Variants in MOBP observed in about 807,000 individuals in gnomAD.
The protein encoded by MOBP is myelin-associated oligodendrocyte basic protein.
Under a neutral mutation model 15.0 loss-of-function variants are expected in MOBP, and 5 were observed. That is an observed-to-expected ratio of 0.33 (90% CI 0.17 to 0.70). The LOEUF is 0.70. MOBP is among the 30% of genes least tolerant of loss of function. The pLI is 0.67. For synonymous variants in MOBP, 88 were observed against 99.0 expected, an observed-to-expected ratio of 0.89 and a Z score of 0.66; for missense variants, 188 against 257.8, an observed-to-expected ratio of 0.73 and a Z score of 1.85.
At chr3:39,517,305 A>G (rs777225421), downstream of MOBP, among the ~76,000 whole-genome samples, 3 of 152,162 alleles carry the variant, frequency 2.0e-5, no homozygotes, top group South Asian at 2.1e-4. Flanking sequence ...ATGGGAAATG[A>G]GAGAGGTTGT....
Position 39,502,569 on chromosome 3 carries a change from A to C in MOBP, c.241A>C (p.Lys81Gln), listed in dbSNP as rs1462277029. ...SRRAKSPQRPKQQPAAPPAVV... is the reference protein window; with the variant it reads ...SRRAKSPQRPQQQPAAPPAVV... The stretch of plus-strand genomic sequence containing the variant: ...CCGTGCCAAGTCCCCTCAGAGGCCC[A>C]AGCAACAGCCAGCTGCGCCCCCCGC... The change falls in exon 4 of 4, where the codon AAG (lysine) becomes CAG (glutamine). Residue 81 changes from lysine to glutamine, a missense_variant. Transcript: ENST00000684792. The surrounding 1 kb of genome is among the most constrained non-coding windows in gnomAD (Gnocchi z 6.3). 6.3e-7 allele frequency: 1 copy of C among 1,580,614 alleles called. No individual in the cohort carries two copies. Among genetic ancestry groups the C allele is most frequent in the Non-Finnish European group, 8.5e-7 (1 of 1,172,398 alleles).
chr3:39,490,999 C>T (rs983683702), intron 2 of MOBP, among the ~76,000 whole-genome samples: 1 of 152,124 alleles, frequency 6.6e-6, no homozygotes, highest in African/African-American at 2.4e-5. Flanking sequence ...CTTATTTGCT[C>T]AAGTCTTTTC....
intron 2 of MOBP, among the ~76,000 whole-genome samples, chr3:39,489,682 T>G (rs1194010622): frequency 7.5e-6 from 1 of 133,188 alleles, no homozygotes; most frequent in Non-Finnish European, 1.5e-5. Context: ...GCTGGGTGTA[T>G]TGTTCCCCGC....
downstream of MOBP, chr3:39,529,497 A>G (rs189338394): frequency 1.3e-5 from 2 of 152,376 alleles, no homozygotes; most frequent in East Asian, 1.9e-4. Context: ...TTTAACACCA[A>G]TTGGTGCCCA....
intron 1 of MOBP, among the ~76,000 whole-genome samples, chr3:39,470,207 A>T (rs9821753): frequency 0.047 from 7,152 of 152,226 alleles, 461 homozygotes; most frequent in South Asian, 0.15. Flanking sequence ...TCCTGATCAA[A>T]AGTGTTTCCT....
In MOBP at chr3:39,496,812, C is replaced by T. The variant is rs576638343; in HGVS notation, c.-4-5254C>T. Among the ~76,000 whole-genome samples the T allele has an allele frequency of 4.6e-5, 7 of 152,234 alleles. No homozygotes were observed. In the East Asian group the frequency reaches 5.8e-4, roughly 13 times the overall value. ...TCAAGTAGTTGGGATTACAGGAATG[C>T]ACCACCATGCCCAACTAATTTTGTA... On this transcript the variant is annotated intron_variant, in intron 2 of 3. Transcript: ENST00000684792.
At chr3:39,522,291 A>G (rs554348882) in intron 3 of MOBP, among the ~76,000 whole-genome samples, 62 of 152,356 alleles carry the variant, frequency 4.1e-4, no homozygotes, top group African/African-American at 1.4e-3. Context: ...AAAACAAAAA[A>G]AGTTGCTTAT....
intron 2 of MOBP, among the ~76,000 whole-genome samples, chr3:39,485,763 T>C (rs2042696800): frequency 6.6e-6 from 1 of 152,172 alleles, no homozygotes; most frequent in African/African-American, 2.4e-5. Flanking sequence ...ATTGGCTGCT[T>C]TCCCCCTACC....
chr3:39,487,379 T>C (rs1472376354), intron 2 of MOBP, among the ~76,000 whole-genome samples: 1 of 152,216 alleles, frequency 6.6e-6, no homozygotes, highest in Admixed American at 6.5e-5. Context: ...GTTAATATGG[T>C]TGTGTTTCTA....
chr3:39,513,445 T>G (rs1159365209), exon 5 of MOBP: 6 of 1,612,708 alleles, frequency 3.7e-6, no homozygotes, highest in Non-Finnish European at 5.1e-6. Flanking sequence ...TTAAACTGAA[T>G]GAACAACCTC....
intron 2 of MOBP, among the ~76,000 whole-genome samples, chr3:39,485,226 GGACA>G (rs2042683934): frequency 6.6e-6 from 1 of 152,186 alleles, no homozygotes; most frequent in Non-Finnish European, 1.5e-5. Context: ...GGATAAACAA[GGACA>G]GACAGATAAT....
downstream of MOBP, among the ~76,000 whole-genome samples, chr3:39,506,463 A>C (rs2043049012): frequency 6.6e-6 from 1 of 150,490 alleles, no homozygotes; most frequent in African/African-American, 2.5e-5. Flanking sequence ...GAAGGGAAAG[A>C]GCCAATTAAA....
intron 2 of MOBP, among the ~76,000 whole-genome samples, chr3:39,494,796 C>CCCCCCCCCCCA: frequency 8.5e-6 from 1 of 117,392 alleles, no homozygotes; most frequent in Non-Finnish European, 1.7e-5. Context: ...CCCCCCGCCC[C>CCCCCCCCCCCA]CCGAGTTACG....
chr3:39,477,459 TCTA>T (rs889236035), intron 1 of MOBP, among the ~76,000 whole-genome samples: 5 of 151,960 alleles, frequency 3.3e-5, no homozygotes, highest in South Asian at 2.1e-4. Flanking sequence ...TGTAAACAAA[TCTA>T]CTGTGCTGCC....
chr3:39,489,329 GAT>G (rs2042760600), intron 2 of MOBP, among the ~76,000 whole-genome samples: 1 of 152,166 alleles, frequency 6.6e-6, no homozygotes, highest in Non-Finnish European at 1.5e-5. Flanking sequence ...TGGGGTAAGA[GAT>G]AGTCTGTTAA....
chr3:39,477,755 T>C (rs1316846387), intron 1 of MOBP, among the ~76,000 whole-genome samples: 2 of 151,730 alleles, frequency 1.3e-5, no homozygotes, highest in Non-Finnish European at 2.9e-5. Flanking sequence ...GAGGTGGAGG[T>C]AGAAGACAGT....
chr3:39,515,383 C>T (rs1274206854), exon 5 of MOBP: 1 of 152,138 alleles, frequency 6.6e-6, no homozygotes, highest in Non-Finnish European at 1.5e-5. Context: ...CTCCCAAAGT[C>T]GGGATTGAAG....
chr3:39,495,004 C>G (rs769126299), intron 2 of MOBP, among the ~76,000 whole-genome samples: 1 of 152,094 alleles, frequency 6.6e-6, no homozygotes, highest in Non-Finnish European at 1.5e-5. Flanking sequence ...TTTGCTCCAC[C>G]ACCTCACAGG....
intron 1 of MOBP, among the ~76,000 whole-genome samples, chr3:39,469,156 GTGTGTGTGTATACATATATACA>G (rs2042421762): frequency 2.4e-5 from 2 of 83,214 alleles, no homozygotes; most frequent in Non-Finnish European, 4.3e-5. Flanking sequence ...ATATACATAT[GTGTGTGTGTATACATATATACA>G]TGTGTGTGTG....
Sources: allele counts gnomAD v4.1 joint callset (sites outside exome capture counted in the v4.1 genomes callset), GRCh38; gene constraint gnomAD v4.1.1; non-coding constraint Gnocchi (gnomAD v3.1); transcripts MANE v1.5; gene names NCBI Gene and HGNC (gene_info 2026-07-23, HGNC 2026-07-21).